The following MTHFS variants were observed in gnomAD, a reference collection of about 807,000 sequenced individuals.
The protein encoded by MTHFS is methenyltetrahydrofolate synthetase.
MTHFS carries 7 observed loss-of-function variants against 12.7 expected under a neutral mutation model. The ratio of observed to expected loss-of-function variants is 0.55; its 90% confidence interval spans 0.31 to 1.03. MTHFS has a LOEUF of 1.03. MTHFS is among the 50% of genes least tolerant of loss of function. The pLI, the probability that MTHFS is intolerant of heterozygous loss-of-function variation, is 0.05. For synonymous variants in MTHFS, 100 were observed against 97.1 expected, an observed-to-expected ratio of 1.03 and a Z score of -0.18; for missense variants, 252 against 258.1, an observed-to-expected ratio of 0.98 and a Z score of 0.16.
intron 2 of MTHFS, among the ~76,000 whole-genome samples, chr15:79,874,205 ATGGT>A (rs2034151648): frequency 6.6e-6 from 1 of 152,200 alleles, no homozygotes; most frequent in Non-Finnish European, 1.5e-5. Context: ...ATTGGGAAAA[ATGGT>A]CAAAATCAAC....
chr15:79,863,477 A>G (rs2033952773), intron 2 of MTHFS, among the ~76,000 whole-genome samples: 1 of 152,206 alleles, frequency 6.6e-6, no homozygotes, highest in Non-Finnish European at 1.5e-5. Flanking sequence ...ACCAACTGAA[A>G]TCACAACCTG....
At chr15:79,871,365 G>GT (rs1257364413) in intron 2 of MTHFS, among the ~76,000 whole-genome samples, 1 of 152,048 alleles carries the variant, frequency 6.6e-6, no homozygotes, top group Non-Finnish European at 1.5e-5. Flanking sequence ...GATGACAAAG[G>GT]TAACAGAAAG....
At chr15:79,886,423 G>A (rs550907395) in intron 2 of MTHFS, among the ~76,000 whole-genome samples, 2 of 152,146 alleles carry the variant, frequency 1.3e-5, no homozygotes, top group South Asian at 4.2e-4. Flanking sequence ...CCAGACTGAA[G>A]TTTCGAGAAA....
chr15:79,864,313 G>T (rs1163593816), intron 2 of MTHFS, among the ~76,000 whole-genome samples: 2 of 152,036 alleles, frequency 1.3e-5, no homozygotes, highest in Non-Finnish European at 2.9e-5. Flanking sequence ...GGGAGGCTGA[G>T]GTGGGCGAAA....
intron 2 of MTHFS, among the ~76,000 whole-genome samples, chr15:79,856,882 G>A (rs1299747647): frequency 6.6e-6 from 1 of 152,108 alleles, no homozygotes; most frequent in Admixed American, 6.5e-5. Context: ...AGAAAAAAAA[G>A]TCTAGCTTAC....
chr15:79,874,096 T>C (rs1294612416), intron 2 of MTHFS, among the ~76,000 whole-genome samples: 1 of 152,214 alleles, frequency 6.6e-6, no homozygotes, highest in Non-Finnish European at 1.5e-5. Context: ...CATTCCAGTG[T>C]TTGAAAACAA....
chr15:79,858,314 T>C (rs1434750750), intron 2 of MTHFS, among the ~76,000 whole-genome samples: 1 of 152,162 alleles, frequency 6.6e-6, no homozygotes, highest in Admixed American at 6.5e-5. Context: ...TCCAAGGTAA[T>C]AGGTACAAAG....
chr15:79,845,317 AG>A lies in MTHFS; in HGVS notation c.504del (p.Tyr169ThrfsTer17). On this transcript the variant is annotated frameshift_variant, in exon 3 of 3. Transcript: ENST00000258874. LOFTEE classifies it low-confidence loss of function (END_TRUNC). ...KRCLQHQEVK[P>X]YTLALAFKEQ... ...TCTTTGAAAGCCAACGCCAGGGTGT[AG>A]GGCTTCACTTCCTGATGCTGCAAAC... is the stretch of plus-strand genomic sequence containing the variant. 1 of 1,614,206 alleles carries A rather than the reference AG, an allele frequency of 6.2e-7. No homozygotes were observed. The highest frequency in any genetic ancestry group is 2.2e-5 in the East Asian group (1 of 44,882).
In MTHFS at chr15:79,844,039, G is replaced by C. The variant is rs993338060; in HGVS notation, c.*1171C>G. On this transcript the variant is annotated 3_prime_UTR_variant, in exon 3 of 3. Coordinates refer to ENST00000258874, the MANE Select transcript of MTHFS (RefSeq NM_006441.4). ...TCAGTCAGTGTTACAGGAGAATACA[G>C]AGTTGGGAGAGAAGAGGCTAGAAAA... 2.0e-5 allele frequency: 3 copies of C among 152,306 alleles called. No homozygotes were observed. The highest frequency in any genetic ancestry group is 7.2e-5 in the African/African-American group (3 of 41,468). The allele number at this position is 152,306 out of a possible 1,614,324, so 9.4% of individuals were successfully genotyped here.
chr15:79,847,903 G>C (rs984845021), intron 2 of MTHFS, among the ~76,000 whole-genome samples: 5 of 152,158 alleles, frequency 3.3e-5, no homozygotes, highest in African/African-American at 1.2e-4. Flanking sequence ...ACTGCTGGTG[G>C]GGGTGTAAAA....
chr15:79,862,052 T>C (rs2033925251), intron 2 of MTHFS, among the ~76,000 whole-genome samples: 1 of 152,166 alleles, frequency 6.6e-6, no homozygotes. Flanking sequence ...ATGAATGAAT[T>C]GTTGCTCTAC....
At chr15:79,871,400 CAA>C (rs1566992921) in intron 2 of MTHFS, among the ~76,000 whole-genome samples, 1 of 151,828 alleles carries the variant, frequency 6.6e-6, no homozygotes, top group Non-Finnish European at 1.5e-5. Context: ...GCATTATTCC[CAA>C]AAAAAGAGGA....
At chr15:79,846,155 A>G (rs1003842882) in intron 2 of MTHFS, among the ~76,000 whole-genome samples, 2 of 152,212 alleles carry the variant, frequency 1.3e-5, no homozygotes, top group African/African-American at 4.8e-5. Context: ...TGGAGGCTAT[A>G]AAAACCCAAC....
At chr15:79,865,911 T>A (rs2034001829) in intron 2 of MTHFS, among the ~76,000 whole-genome samples, 1 of 152,202 alleles carries the variant, frequency 6.6e-6, no homozygotes, top group Non-Finnish European at 1.5e-5. Context: ...TATTCCCTTC[T>A]TTCTTCATCT....
chr15:79,894,538 C>T (rs2034532695), intron 1 of MTHFS, among the ~76,000 whole-genome samples: 1 of 152,176 alleles, frequency 6.6e-6, no homozygotes, highest in Non-Finnish European at 1.5e-5. Flanking sequence ...AATGCCAGCT[C>T]TCAGTCGTCA....
intron 2 of MTHFS, among the ~76,000 whole-genome samples, chr15:79,865,661 C>T (rs552416475): frequency 1.2e-4 from 18 of 152,200 alleles, no homozygotes; most frequent in Non-Finnish European, 2.5e-4. Context: ...CCTGCTTACC[C>T]TCAGCAGTGT....
intron 2 of MTHFS, among the ~76,000 whole-genome samples, chr15:79,875,206 A>C (rs2034171134): frequency 6.6e-6 from 1 of 151,578 alleles, no homozygotes; most frequent in African/African-American, 2.4e-5. Context: ...TTCACAATTT[A>C]TGTTCTTCTG....
intron 2 of MTHFS, among the ~76,000 whole-genome samples, chr15:79,855,830 C>T (rs1263607501): frequency 1.3e-5 from 2 of 152,168 alleles, no homozygotes; most frequent in East Asian, 1.9e-4. Flanking sequence ...AACCATGTTG[C>T]CGCAAAGGAC....
intron 2 of MTHFS, among the ~76,000 whole-genome samples, chr15:79,874,953 ACAATTTGTG>A (rs2034165466): frequency 6.6e-6 from 1 of 152,052 alleles, no homozygotes; most frequent in Non-Finnish European, 1.5e-5. Flanking sequence ...TGCTTTACGA[ACAATTTGTG>A]CAGTTAACGC....
Sources: allele counts gnomAD v4.1 joint callset (sites outside exome capture counted in the v4.1 genomes callset), GRCh38; gene constraint gnomAD v4.1.1; transcripts MANE v1.5; gene names NCBI Gene and HGNC (gene_info 2026-07-23, HGNC 2026-07-21).